The following PITPNB variants were observed in gnomAD, a reference collection of about 807,000 sequenced individuals.
PITPNB encodes phosphatidylinositol transfer protein beta isoform.
Under a neutral mutation model 45.9 loss-of-function variants are expected in PITPNB, and 16 were observed. The ratio of observed to expected loss-of-function variants is 0.35; its 90% CI spans 0.24 to 0.53. The LOEUF is 0.53. PITPNB is among the 20% of genes least tolerant of loss of function. PITPNB has a pLI of 0.93. For synonymous variants in PITPNB, 112 were observed against 108.9 expected (o/e 1.03, Z -0.18); for missense variants, 188 against 330.5 (o/e 0.57, Z 3.34).
chr22:27,917,736 A>G (rs1165921329), intron 1 of PITPNB, among the ~76,000 whole-genome samples: 39 of 152,222 alleles, frequency 2.6e-4, no homozygotes, highest in Admixed American at 2.6e-3. Flanking sequence ...AGTGAGCAAA[A>G]CAAACTCATG....
At chr22:27,893,841 T>A (rs1935360756) in intron 7 of PITPNB, among the ~76,000 whole-genome samples, 3 of 152,126 alleles carry the variant, frequency 2.0e-5, no homozygotes, top group Admixed American at 2.0e-4. Context: ...TCCTCCCTCC[T>A]TGGCCTTCCA....
At chr22:27,909,888 T>A (rs571067624) in intron 3 of PITPNB, among the ~76,000 whole-genome samples, 1 of 150,552 alleles carries the variant, frequency 6.6e-6, no homozygotes, top group Admixed American at 6.6e-5. Flanking sequence ...CAAGTGATCC[T>A]CCCACCTCAG....
chr22:27,892,604 TC>T (rs1935312091), intron 7 of PITPNB, among the ~76,000 whole-genome samples: 2 of 152,184 alleles, frequency 1.3e-5, no homozygotes, highest in Non-Finnish European at 2.9e-5. Flanking sequence ...ATTAACTAAC[TC>T]ACTCATTACT....
intron 7 of PITPNB, among the ~76,000 whole-genome samples, chr22:27,882,677 G>A (rs972948254): frequency 1.1e-4 from 16 of 152,200 alleles, no homozygotes; most frequent in African/African-American, 3.1e-4. Context: ...TCCAAAACTC[G>A]TGGCTCCGAT....
chr22:27,893,836 C>T (rs1204458323), intron 7 of PITPNB, among the ~76,000 whole-genome samples: 33 of 152,082 alleles, frequency 2.2e-4, no homozygotes, highest in Admixed American at 2.2e-3. Flanking sequence ...AGCAATCCTC[C>T]CTCCTTGGCC....
In PITPNB at chr22:27,889,497, C is replaced by T. The variant is rs539649182; in HGVS notation, c.456+5058G>A. On this transcript the variant is annotated intron_variant, in intron 7 of 11. Coordinates refer to ENST00000335272, the MANE Select transcript of PITPNB (RefSeq NM_012399.5). ...ATAAACGTATAATGTGTCAGAGCAA[C>T]GAGTGTAAGAGGAAAAAGTGTAATG... 4.6e-5 allele frequency among the ~76,000 whole-genome samples: 7 copies of T among 152,194 alleles called. No individual in the cohort carries two copies. The South Asian group carries it at 6.2e-4, about 14-fold the overall frequency.
At chr22:27,909,840 A>C (rs977070912) in intron 3 of PITPNB, among the ~76,000 whole-genome samples, 4 of 152,038 alleles carry the variant, frequency 2.6e-5, no homozygotes, top group African/African-American at 9.7e-5. Flanking sequence ...GCTGAAGTGC[A>C]GTGATCACAG....
At chr22:27,896,056 C>T (rs1202016856) in intron 6 of PITPNB, among the ~76,000 whole-genome samples, 1 of 152,194 alleles carries the variant, frequency 6.6e-6, no homozygotes, top group Non-Finnish European at 1.5e-5. Flanking sequence ...TAAATGTGAA[C>T]CAACTTATAT....
chr22:27,885,350 T>C (rs1038573701), intron 7 of PITPNB, among the ~76,000 whole-genome samples: 3 of 151,822 alleles, frequency 2.0e-5, no homozygotes, highest in African/African-American at 7.3e-5. Context: ...AATCCTAAAC[T>C]TTTTACTGTG....
chr22:27,915,346 A>G (rs1164627238), intron 1 of PITPNB, among the ~76,000 whole-genome samples: 1 of 151,872 alleles, frequency 6.6e-6, no homozygotes, highest in Non-Finnish European at 1.5e-5. Context: ...TTGCAGTAAG[A>G]GTCATTTAGC....
chr22:27,882,536 C>G (rs1000890644), intron 7 of PITPNB, among the ~76,000 whole-genome samples: 1 of 152,238 alleles, frequency 6.6e-6, no homozygotes, highest in African/African-American at 2.4e-5. Context: ...TCTTTGACAT[C>G]ACAATCCTTA....
chr22:27,899,904 T>C (rs1037966571), intron 3 of PITPNB, among the ~76,000 whole-genome samples: 1 of 152,018 alleles, frequency 6.6e-6, no homozygotes, highest in African/African-American at 2.4e-5. Context: ...GCTGGTCAAC[T>C]TAGAAAAAGC....
chr22:27,912,949 C>A (rs1465589374), intron 2 of PITPNB, among the ~76,000 whole-genome samples: 1 of 142,246 alleles, frequency 7.0e-6, no homozygotes, highest in Non-Finnish European at 1.5e-5. Context: ...CAATACTGTA[C>A]TCCAGCCTGG....
chr22:27,908,611 C>A (rs930924225), intron 3 of PITPNB, among the ~76,000 whole-genome samples: 2 of 151,952 alleles, frequency 1.3e-5, no homozygotes, highest in Non-Finnish European at 2.9e-5. Flanking sequence ...TTAAGAGGAA[C>A]TTTTATATGT....
At chr22:27,896,703 C>A in intron 5 of PITPNB, 77 bp from the exon 6 acceptor site, 1 of 874,376 alleles carries the variant, frequency 1.1e-6, no homozygotes, top group South Asian at 1.4e-5. Flanking sequence ...GAGCTTTTCC[C>A]AGTATAGGCA....
At chr22:27,878,317 G>A (rs1213239080) in intron 7 of PITPNB, among the ~76,000 whole-genome samples, 3 of 152,012 alleles carry the variant, frequency 2.0e-5, no homozygotes, top group Middle Eastern at 3.4e-3. Context: ...AATGCCAAAC[G>A]AATAACTAAC....
intron 7 of PITPNB, among the ~76,000 whole-genome samples, chr22:27,885,285 A>T (rs953785413): frequency 7.4e-6 from 1 of 135,826 alleles, no homozygotes; most frequent in African/African-American, 2.7e-5. Context: ...TCATTTGTGT[A>T]TATTTTGGAA....
At chr22:27,889,820 G>A (rs1251217078) in intron 7 of PITPNB, among the ~76,000 whole-genome samples, 2 of 152,216 alleles carry the variant, frequency 1.3e-5, no homozygotes, top group African/African-American at 2.4e-5. Flanking sequence ...TGACATTACC[G>A]TTTTAGAATA....
At chr22:27,875,297 T>C (rs768064942) in intron 7 of PITPNB, among the ~76,000 whole-genome samples, 18 of 152,378 alleles carry the variant, frequency 1.2e-4, no homozygotes, top group South Asian at 2.1e-4. Context: ...CAATGTGGCA[T>C]AGCCACAGGC....
Sources: allele counts gnomAD v4.1 joint callset (sites outside exome capture counted in the v4.1 genomes callset), GRCh38; gene constraint gnomAD v4.1.1; transcripts MANE v1.5; gene names NCBI Gene and HGNC (gene_info 2026-07-23, HGNC 2026-07-21).